The following LHFPL6 variants were observed in gnomAD, a reference collection of about 807,000 sequenced individuals.
LHFPL6 encodes LHFPL tetraspan subfamily member 6, also known as LHFPL tetraspan subfamily member 6 protein.
A neutral mutation model predicts 20.6 loss-of-function variants in LHFPL6; 9 were observed. That is an observed-to-expected ratio of 0.44 (90% CI 0.26 to 0.76). The LOEUF is 0.76. Ranked by LOEUF, LHFPL6 falls within the 30% of genes least tolerant of loss-of-function variation. The pLI is 0.20. For synonymous variants in LHFPL6, 105 were observed against 98.7 expected (o/e 1.06, Z -0.38); for missense variants, 218 against 253.5 (o/e 0.86, Z 0.95).
chr13:39,456,634 CA>C (rs1347406084), intron 2 of LHFPL6, among the ~76,000 whole-genome samples: 1 of 152,122 alleles, frequency 6.6e-6, no homozygotes, highest in Non-Finnish European at 1.5e-5. Flanking sequence ...GACTTTTCCA[CA>C]AATGGTGATG....
At chr13:39,562,485 TATACAC>T (rs1299565048) in intron 2 of LHFPL6, among the ~76,000 whole-genome samples, 46 of 125,366 alleles carry the variant, frequency 3.7e-4, no homozygotes, top group Admixed American at 1.1e-3. Flanking sequence ...CATATACATA[TATACAC>T]ATATACATAT....
intron 2 of LHFPL6, among the ~76,000 whole-genome samples, chr13:39,562,677 TATAC>T (rs1202038489): frequency 7.1e-6 from 1 of 141,764 alleles, no homozygotes; most frequent in African/African-American, 2.7e-5. Flanking sequence ...TACACACATA[TATAC>T]ACACACACAC....
intron 3 of LHFPL6, among the ~76,000 whole-genome samples, chr13:39,350,771 G>A (rs1176975719): frequency 6.6e-6 from 1 of 152,172 alleles, no homozygotes; most frequent in East Asian, 1.9e-4. Context: ...AGGTTAATGG[G>A]ACAGAAAGCA....
chr13:39,512,475 C>G (rs539708797), intron 2 of LHFPL6, among the ~76,000 whole-genome samples: 14 of 151,600 alleles, frequency 9.2e-5, no homozygotes, highest in Admixed American at 2.6e-4. Flanking sequence ...GGTGGCGGGC[C>G]CCTGTAGTCC....
chr13:39,544,793 C>T (rs1485401434), intron 2 of LHFPL6, among the ~76,000 whole-genome samples: 1 of 152,070 alleles, frequency 6.6e-6, no homozygotes, highest in East Asian at 1.9e-4. Flanking sequence ...AAAACTGTTA[C>T]AGTACAAAAA....
At chr13:39,556,862 T>A (rs1344792528) in intron 2 of LHFPL6, among the ~76,000 whole-genome samples, 1 of 148,896 alleles carries the variant, frequency 6.7e-6, no homozygotes, top group Non-Finnish European at 1.5e-5. Context: ...CTCAAGAGGC[T>A]GAGGCTGGAG....
intron 2 of LHFPL6, among the ~76,000 whole-genome samples, chr13:39,502,918 G>A (rs1869344103): frequency 6.6e-6 from 1 of 151,938 alleles, no homozygotes; most frequent in African/African-American, 2.4e-5. Flanking sequence ...TTAGAGACAA[G>A]GTCTTGCTCT....
chr13:39,458,331 G>A (rs1159994730), intron 2 of LHFPL6, among the ~76,000 whole-genome samples: 1 of 152,008 alleles, frequency 6.6e-6, no homozygotes, highest in African/African-American at 2.4e-5. Flanking sequence ...GAAAAACAGG[G>A]GAAGAACTGA....
intron 2 of LHFPL6, among the ~76,000 whole-genome samples, chr13:39,529,683 G>C (rs1288140403): frequency 6.6e-6 from 1 of 152,162 alleles, no homozygotes; most frequent in Non-Finnish European, 1.5e-5. Flanking sequence ...TGGGGAATCT[G>C]GGATTTAGAA....
chr13:39,574,711 T>C (rs1049383513), intron 2 of LHFPL6, among the ~76,000 whole-genome samples: 2 of 152,152 alleles, frequency 1.3e-5, no homozygotes, highest in Non-Finnish European at 2.9e-5. Context: ...TACAAGAGGC[T>C]GGATGTGCAA....
At chr13:39,357,800 A>G (rs1209557068) in intron 3 of LHFPL6, among the ~76,000 whole-genome samples, 1 of 152,228 alleles carries the variant, frequency 6.6e-6, no homozygotes, top group Admixed American at 6.5e-5. Context: ...GAAGTGAAAG[A>G]TTTCTACAAA....
At chr13:39,422,461 C>T (rs1032061949) in intron 2 of LHFPL6, among the ~76,000 whole-genome samples, 4 of 151,962 alleles carry the variant, frequency 2.6e-5, no homozygotes, top group African/African-American at 4.8e-5. Context: ...TGGCACATGC[C>T]TGTAATCTCA....
At chr13:39,510,583 C>T (rs1046826294) in intron 2 of LHFPL6, among the ~76,000 whole-genome samples, 2 of 152,116 alleles carry the variant, frequency 1.3e-5, no homozygotes, top group African/African-American at 4.8e-5. Context: ...GGATCTATAA[C>T]CTCAGTTCTT....
chr13:39,483,362 T>C (rs1021781622), intron 2 of LHFPL6, among the ~76,000 whole-genome samples: 7 of 152,186 alleles, frequency 4.6e-5, no homozygotes, highest in African/African-American at 9.7e-5. Context: ...TATTGTAACT[T>C]TGGAGCTTAA....
At chr13:39,473,302 T>C (rs140127844) in intron 2 of LHFPL6, among the ~76,000 whole-genome samples, 15 of 150,188 alleles carry the variant, frequency 1.0e-4, no homozygotes, top group African/African-American at 2.7e-4. Context: ...GAAATGCCCA[T>C]TTATTCCAGA....
intron 2 of LHFPL6, among the ~76,000 whole-genome samples, chr13:39,408,869 C>T (rs1413009275): frequency 6.6e-6 from 1 of 152,098 alleles, no homozygotes; most frequent in Non-Finnish European, 1.5e-5. Flanking sequence ...TATTATTATT[C>T]TTTAATTGAC....
At chr13:39,415,011 C>G (rs1410252145) in intron 2 of LHFPL6, among the ~76,000 whole-genome samples, 5 of 152,328 alleles carry the variant, frequency 3.3e-5, no homozygotes, top group African/African-American at 4.8e-5. Context: ...AAGGATCACT[C>G]TGATTATAAA....
chr13:39,359,951 C>T (rs189404736), intron 3 of LHFPL6, among the ~76,000 whole-genome samples: 29 of 152,188 alleles, frequency 1.9e-4, no homozygotes, highest in Non-Finnish European at 3.7e-4. Flanking sequence ...CAGTATGCCT[C>T]GATGTATGAT....
intron 2 of LHFPL6, among the ~76,000 whole-genome samples, chr13:39,540,450 T>C (rs976593586): frequency 1.3e-5 from 2 of 152,150 alleles, no homozygotes; most frequent in Non-Finnish European, 2.9e-5. Context: ...ACAATATGTA[T>C]ATTACTAGAT....
Sources: allele counts gnomAD v4.1 joint callset (sites outside exome capture counted in the v4.1 genomes callset), GRCh38; gene constraint gnomAD v4.1.1; transcripts MANE v1.5; gene names NCBI Gene and HGNC (gene_info 2026-07-23, HGNC 2026-07-21).